The following SLC1A6 variants were observed in gnomAD, a reference collection of about 807,000 sequenced individuals.
SLC1A6 encodes the protein solute carrier family 1 member 6, also known as excitatory amino acid transporter 4.
In SLC1A6, 15 loss-of-function variants were observed where a neutral mutation model predicts 42.1. The observed-to-expected ratio is 0.36, with a 90% CI of 0.24 to 0.55. The LOEUF (loss-of-function observed/expected upper bound fraction) is 0.55, where lower values mean the gene tolerates loss of function less well. SLC1A6 is among the 20% of genes least tolerant of loss of function. The pLI is 0.88. For missense variants in SLC1A6, 542 were observed against 772.5 expected (o/e 0.70, Z 3.54); for synonymous variants, 317 against 319.7 (o/e 0.99, Z 0.09).
chr19:14,990,536 G>A (rs959505379), intron 1 of SLC1A6, among the ~76,000 whole-genome samples: 7 of 152,150 alleles, frequency 4.6e-5, no homozygotes, highest in Non-Finnish European at 8.8e-5. Flanking sequence ...TTGGGAAGCC[G>A]AGGCAGGCGG....
At chr19:14,950,682 T>C (rs1483517207) in intron 9 of SLC1A6, among the ~76,000 whole-genome samples, 2 of 152,070 alleles carry the variant, frequency 1.3e-5, no homozygotes, top group African/African-American at 4.8e-5. Context: ...TAAAAAGATA[T>C]GATCCCAGCA....
chr19:14,960,822 G>T (rs1237285490), intron 6 of SLC1A6, among the ~76,000 whole-genome samples: 1 of 152,070 alleles, frequency 6.6e-6, no homozygotes, highest in African/African-American at 2.4e-5. Flanking sequence ...CAGTTAAATA[G>T]GAGAAATAAG....
chr19:15,000,621 G>A (rs1321137621), intron 1 of SLC1A6, among the ~76,000 whole-genome samples: 1 of 152,132 alleles, frequency 6.6e-6, no homozygotes, highest in African/African-American at 2.4e-5. Flanking sequence ...ATGGACTCAG[G>A]TTCATTCCAT....
chr19:14,998,042 A>C (rs975193753), intron 1 of SLC1A6, among the ~76,000 whole-genome samples: 2 of 152,004 alleles, frequency 1.3e-5, no homozygotes, highest in African/African-American at 2.4e-5. Flanking sequence ...GGAATGAATA[A>C]ATCAAGCTAT....
chr19:14,981,179 G>C (rs965218050), upstream of SLC1A6, among the ~76,000 whole-genome samples: 4 of 152,004 alleles, frequency 2.6e-5, no homozygotes, highest in Admixed American at 1.3e-4. Flanking sequence ...TGTAGTCCCA[G>C]TTACTCAGGA....
intron 1 of SLC1A6, among the ~76,000 whole-genome samples, chr19:15,008,206 G>A (rs1430272300): frequency 6.6e-6 from 1 of 151,998 alleles, no homozygotes; most frequent in South Asian, 2.1e-4. Context: ...TTAGCCAAGT[G>A]TGGTGGCGTG....
intron 6 of SLC1A6, among the ~76,000 whole-genome samples, chr19:14,957,879 A>T (rs2045476340): frequency 6.6e-6 from 1 of 152,228 alleles, no homozygotes; most frequent in Admixed American, 6.5e-5. Flanking sequence ...AAATCATTGC[A>T]GGCACAATGC....
At chr19:15,009,859 G>A (rs752452791) in intron 1 of SLC1A6, among the ~76,000 whole-genome samples, 2 of 152,102 alleles carry the variant, frequency 1.3e-5, no homozygotes, top group Admixed American at 6.6e-5. Flanking sequence ...TTCAGATAGC[G>A]GTGAGTGCTA....
At chr19:14,984,323 A>T (rs2045782538), upstream of SLC1A6, among the ~76,000 whole-genome samples, 5 of 152,136 alleles carry the variant, frequency 3.3e-5, no homozygotes, top group South Asian at 1.0e-3. Flanking sequence ...ACAAGAGCAA[A>T]GCTCCATCTC....
At chr19:14,982,242 C>G (rs1011025282), upstream of SLC1A6, among the ~76,000 whole-genome samples, 1 of 151,980 alleles carries the variant, frequency 6.6e-6, no homozygotes, top group African/African-American at 2.4e-5. Context: ...ATAATGTATC[C>G]ATATTGGCCG....
chr19:15,003,170 G>A (rs1002939758), intron 1 of SLC1A6, among the ~76,000 whole-genome samples: 1 of 152,056 alleles, frequency 6.6e-6, no homozygotes, highest in Non-Finnish European at 1.5e-5. Flanking sequence ...TACAGATGGG[G>A]TTTCACCATG....
At chr19:15,000,008 C>T (rs746121452) in intron 1 of SLC1A6, among the ~76,000 whole-genome samples, 3 of 148,710 alleles carry the variant, frequency 2.0e-5, no homozygotes, top group Non-Finnish European at 4.5e-5. Flanking sequence ...CCCCCCACCC[C>T]ACAACAGGCC....
chr19:14,970,123 T>C (rs544639636), intron 3 of SLC1A6, among the ~76,000 whole-genome samples: 1 of 152,274 alleles, frequency 6.6e-6, no homozygotes, highest in South Asian at 2.1e-4. Flanking sequence ...TTGCTCAGGC[T>C]AGAGTGCAGT....
chr19:14,968,418 T>A lies in SLC1A6; in HGVS notation c.433A>T (p.Ile145Phe), dbSNP rs765631217. The A allele has an allele frequency of 6.2e-7, 1 of 1,613,728 alleles. No homozygotes were observed. The highest frequency in any genetic ancestry group is 8.5e-7 in the Non-Finnish European group (1 of 1,179,920). The part of the protein sequence containing the change: ...YMVTTIIAVF[I>F]GILMVTIIHP... The stretch of plus-strand genomic sequence containing the variant: ...ATGATGGTGACCATGAGGATGCCGA[T>A]GAAGACCGCGATGATGGTGGTCACC... Residue 145 changes from isoleucine to phenylalanine, a missense_variant, in exon 4 of 10, where the codon ATC (isoleucine) becomes TTC (phenylalanine). By Grantham distance (21) the Ile-to-Phe change is conservative (BLOSUM62 0). Transcript: ENST00000594383.
At chr19:14,990,162 A>G (rs1019616550) in intron 1 of SLC1A6, among the ~76,000 whole-genome samples, 10 of 151,648 alleles carry the variant, frequency 6.6e-5, no homozygotes, top group African/African-American at 2.2e-4. Flanking sequence ...CAGTCAAGAT[A>G]TGGAAGCAAC....
intron 1 of SLC1A6, among the ~76,000 whole-genome samples, chr19:14,989,382 C>T (rs1023275861): frequency 6.6e-6 from 1 of 151,952 alleles, no homozygotes; most frequent in Non-Finnish European, 1.5e-5. Flanking sequence ...CTGCCTCGGC[C>T]TCCCGAGTAG....
intron 1 of SLC1A6, among the ~76,000 whole-genome samples, chr19:14,994,081 G>C (rs2045833638): frequency 6.6e-6 from 1 of 151,946 alleles, no homozygotes; most frequent in Non-Finnish European, 1.5e-5. Flanking sequence ...AACTCCTTAG[G>C]GCTCCACACG....
chr19:14,953,853 T>C (rs1400144855), intron 8 of SLC1A6, among the ~76,000 whole-genome samples: 1 of 152,170 alleles, frequency 6.6e-6, no homozygotes, highest in Non-Finnish European at 1.5e-5. Flanking sequence ...CCTCGGGTTA[T>C]CAGGATGCAC....
chr19:14,969,954 CT>C (rs78634673), intron 3 of SLC1A6, among the ~76,000 whole-genome samples: 4,593 of 151,710 alleles, frequency 0.03, 196 homozygotes, highest in East Asian at 0.22. Flanking sequence ...TGTGCCACCC[CT>C]GAGACAGCAA....
Sources: gnomAD v4.1 joint callset for allele counts (sites outside exome capture counted in the v4.1 genomes callset) on GRCh38, gnomAD v4.1.1 for gene constraint, MANE v1.5 for transcripts, NCBI Gene and HGNC (gene_info 2026-07-23, HGNC 2026-07-21) for gene names.